SNTG1: variants seen among roughly 807,000 people sequenced by gnomAD.
SNTG1 encodes the protein gamma-1-syntrophin.
SNTG1 carries 39 observed loss-of-function variants against 74.7 expected under a neutral mutation model. That is an observed-to-expected ratio of 0.52 (90% CI 0.40 to 0.68). The LOEUF is 0.68. Ranked by LOEUF, SNTG1 falls within the 30% of genes least tolerant of loss-of-function variation. The pLI is 0.00. For missense variants in SNTG1, 685 were observed against 609.5 expected, an observed-to-expected ratio of 1.12 and a Z score of -1.30; for synonymous variants, 254 against 217.1, an observed-to-expected ratio of 1.17 and a Z score of -1.49.
chr8:50,699,259 T>G (rs548069743), intron 15 of SNTG1, among the ~76,000 whole-genome samples: 1 of 152,248 alleles, frequency 6.6e-6, no homozygotes, highest in East Asian at 1.9e-4. Flanking sequence ...GGTCACATTC[T>G]TGTGAGGATC....
intron 11 of SNTG1, among the ~76,000 whole-genome samples, chr8:50,545,497 T>TAC (rs2094380783): frequency 6.7e-6 from 1 of 148,776 alleles, no homozygotes; most frequent in African/African-American, 2.4e-5. Context: ...TATAAATATA[T>TAC]ATATATATAT....
intron 12 of SNTG1, among the ~76,000 whole-genome samples, chr8:50,588,976 A>T (rs2094673061): frequency 6.6e-6 from 1 of 152,048 alleles, no homozygotes; most frequent in Non-Finnish European, 1.5e-5. Flanking sequence ...TTGGCATATC[A>T]CACTGTCTTG....
At chr8:50,661,464 T>G (rs899218410) in intron 15 of SNTG1, among the ~76,000 whole-genome samples, 1 of 152,216 alleles carries the variant, frequency 6.6e-6, no homozygotes, top group African/African-American at 2.4e-5. Flanking sequence ...ATTTACATTC[T>G]GACCAAATTA....
intron 1 of SNTG1, among the ~76,000 whole-genome samples, chr8:49,980,373 G>A (rs1812563079): frequency 1.3e-5 from 2 of 151,832 alleles, no homozygotes; most frequent in South Asian, 4.2e-4. Flanking sequence ...AGCAGACGGA[G>A]CCCTGAGCTC....
chr8:50,449,602 G>T, intron 5 of SNTG1, 66 bp from the exon 6 acceptor site: 2 of 1,299,774 alleles, frequency 1.5e-6, no homozygotes, highest in Non-Finnish European at 2.1e-6. Flanking sequence ...AGCCTGTATG[G>T]TTTCTTAGCT....
At position 50,549,100 on chromosome 8, in the gene SNTG1, T is replaced by C. The variant is rs74828510; in HGVS notation, c.681-3950T>C. On this transcript the variant is annotated intron_variant, in intron 11 of 18. Transcript: ENST00000642720. ...GACTTCTTTAGGGAATGACAAGTTA[T>C]GTGGTTTCAATTCATGAAACAACTG... is the stretch of plus-strand genomic sequence containing the variant. Among the ~76,000 whole-genome samples, 405 of 152,318 alleles carry C rather than the reference T, an allele frequency of 2.7e-3. 3 individuals are homozygous for C. The highest frequency in any genetic ancestry group is 9.3e-3 in the African/African-American group (388 of 41,572).
chr8:50,220,904 C>T (rs2085032128), intron 2 of SNTG1, among the ~76,000 whole-genome samples: 1 of 152,200 alleles, frequency 6.6e-6, no homozygotes, highest in South Asian at 2.1e-4. Flanking sequence ...TCTAAACTAA[C>T]TCCCTTATTA....
chr8:50,157,234 T>C (rs2082280786), intron 1 of SNTG1, among the ~76,000 whole-genome samples: 2 of 152,090 alleles, frequency 1.3e-5, no homozygotes, highest in Non-Finnish European at 2.9e-5. Flanking sequence ...ATTTCATTTG[T>C]TTGCTTTCTA....
chr8:50,164,097 T>C, intron 1 of SNTG1: 2 of 137,272 alleles, frequency 1.5e-5, no homozygotes, highest in Non-Finnish European at 3.1e-5. Context: ...AATTTCTTTT[T>C]TTTTTTTTTT....
chr8:50,402,318 G>A lies in SNTG1; in HGVS notation c.136G>A (p.Val46Met). 1 of 1,609,658 alleles carries A rather than the reference G, an allele frequency of 6.2e-7. No individual in the cohort carries two copies. The highest frequency in any genetic ancestry group is 8.5e-7 in the Non-Finnish European group (1 of 1,179,002). ...LMIQEQDVICVSGEPFYSGER... is the reference protein window; with the variant it reads ...LMIQEQDVICMSGEPFYSGER... ...GATCCAGGAACAGGATGTGATATGT[G>A]TGTCTGGTGAGCCTTTCTATTCTGG... Residue 46 changes from valine (V) to methionine (M), a missense_variant, in exon 4 of 19, where the codon GTG becomes ATG. Val to Met is a conservative substitution (Grantham distance 21, BLOSUM62 1). Transcript: ENST00000642720.
At chr8:50,182,630 CTG>C (rs1485941435) in intron 2 of SNTG1, among the ~76,000 whole-genome samples, 1 of 151,960 alleles carries the variant, frequency 6.6e-6, no homozygotes, top group Non-Finnish European at 1.5e-5. Context: ...ACGTGCGTGT[CTG>C]TGTGTGTGCG....
At chr8:50,197,862 TTATTA>T (rs1374095042) in intron 2 of SNTG1, among the ~76,000 whole-genome samples, 2 of 152,126 alleles carry the variant, frequency 1.3e-5, no homozygotes, top group African/African-American at 4.8e-5. Context: ...ACTGGCATAT[TTATTA>T]TATTTTCTTT....
intron 1 of SNTG1, among the ~76,000 whole-genome samples, chr8:49,999,517 TCA>T (rs1442117813): frequency 6.6e-6 from 1 of 152,200 alleles, no homozygotes; most frequent in East Asian, 1.9e-4. Flanking sequence ...GACTTACATC[TCA>T]CTCTCCATGG....
intron 13 of SNTG1, among the ~76,000 whole-genome samples, chr8:50,613,753 G>T (rs1376184795): frequency 2.6e-5 from 4 of 151,920 alleles, no homozygotes; most frequent in African/African-American, 9.7e-5. Flanking sequence ...TTTAGAAGAA[G>T]TTTTTTAACA....
chr8:50,586,652 TAC>T (rs3036686), intron 12 of SNTG1, among the ~76,000 whole-genome samples: 117,995 of 149,320 alleles, frequency 0.79, 46,693 homozygotes, highest in East Asian at 0.92. Context: ...ATTTCATTAA[TAC>T]ACACACACAC....
intron 13 of SNTG1, among the ~76,000 whole-genome samples, chr8:50,628,206 A>AC (rs2094969948): frequency 6.6e-6 from 1 of 152,002 alleles, no homozygotes; most frequent in Non-Finnish European, 1.5e-5. Flanking sequence ...TAATGAAGCT[A>AC]CTTTTTTTTT....
At chr8:50,257,741 A>G (rs1194956517) in intron 2 of SNTG1, among the ~76,000 whole-genome samples, 14 of 152,234 alleles carry the variant, frequency 9.2e-5, no homozygotes, top group Non-Finnish European at 1.0e-4. Context: ...GAAAGAGGAC[A>G]GCTAAGGAGC....
intron 1 of SNTG1, among the ~76,000 whole-genome samples, chr8:50,047,998 G>C (rs186925379): frequency 6.6e-6 from 1 of 151,988 alleles, no homozygotes; most frequent in African/African-American, 2.4e-5. Context: ...AAATGAGAGG[G>C]CATATGGAAT....
chr8:50,360,647 A>G (rs1163098420), intron 2 of SNTG1, among the ~76,000 whole-genome samples: 1 of 152,188 alleles, frequency 6.6e-6, no homozygotes, highest in Non-Finnish European at 1.5e-5. Context: ...CTTAGGCTAC[A>G]TGCCTCCACA....
Sources: gnomAD v4.1 joint callset for allele counts (sites outside exome capture counted in the v4.1 genomes callset) on GRCh38, gnomAD v4.1.1 for gene constraint, MANE v1.5 for transcripts, NCBI Gene and HGNC (gene_info 2026-07-23, HGNC 2026-07-21) for gene names.